Variants in RABGAP1 observed in about 807,000 individuals in gnomAD.
The protein encoded by RABGAP1 is RAB GTPase activating protein 1.
RABGAP1 carries 23 observed loss-of-function variants against 137.6 expected under a neutral mutation model. The ratio of observed to expected loss-of-function variants is 0.17; its 90% CI spans 0.12 to 0.24. RABGAP1 has a LOEUF of 0.24. Ranked by LOEUF, RABGAP1 falls within the 10% of genes least tolerant of loss-of-function variation. The pLI, the probability that RABGAP1 is intolerant of heterozygous loss-of-function variation, is 1.00. For missense variants in RABGAP1, 906 were observed against 1,275.8 expected, an observed-to-expected ratio of 0.71 and a Z score of 4.42; for synonymous variants, 451 against 450.7, an observed-to-expected ratio of 1.00 and a Z score of -0.01.
At chr9:123,064,180 A>C (rs2034090470) in intron 13 of RABGAP1, among the ~76,000 whole-genome samples, 1 of 152,142 alleles carries the variant, frequency 6.6e-6, no homozygotes, top group Admixed American at 6.6e-5. Context: ...GCCACCATGT[A>C]ATTAGCTGCT....
chr9:123,095,066 A>G (rs942361528), intron 21 of RABGAP1, among the ~76,000 whole-genome samples: 2 of 152,036 alleles, frequency 1.3e-5, no homozygotes, highest in Admixed American at 6.6e-5. Context: ...AGCCTGGGCA[A>G]CATGGCAAAA....
rs1266458632 is a variant in RABGAP1 at position 123,073,687 on chromosome 9, G to A, written c.2109+10G>A. On this transcript the variant is annotated intron_variant, in intron 16 of 25. Coordinates refer to ENST00000373647, the MANE Select transcript of RABGAP1 (RefSeq NM_012197.4). ...GGAGCGCCTCATGCAGGTAAAAAGA[G>A]AAACCAGCTTGTGTTTGACAAAAAG... is the stretch of plus-strand genomic sequence containing the variant. 6.2e-7 allele frequency: 1 copy of A among 1,613,418 alleles called. No individual in the cohort carries two copies.
intron 2 of RABGAP1, among the ~76,000 whole-genome samples, chr9:122,962,187 T>G (rs917874484): frequency 1.3e-5 from 2 of 151,980 alleles, no homozygotes; most frequent in Admixed American, 1.3e-4. Flanking sequence ...AATCAGATGC[T>G]CATTCTGATA....
chr9:123,029,625 C>A, intron 13 of RABGAP1: 1 of 731,216 alleles, frequency 1.4e-6, no homozygotes, highest in Non-Finnish European at 2.6e-6. Context: ...AGGTATTGAG[C>A]TTGTCCCTAA....
chr9:122,977,430 G>C (rs572454357), intron 2 of RABGAP1, among the ~76,000 whole-genome samples: 1 of 152,334 alleles, frequency 6.6e-6, no homozygotes, highest in South Asian at 2.1e-4. Flanking sequence ...GGAGGGCTGG[G>C]TTCGGTGGCT....
chr9:123,006,221 T>C (rs1564126795), intron 10 of RABGAP1, among the ~76,000 whole-genome samples: 3 of 152,190 alleles, frequency 2.0e-5, no homozygotes, highest in Non-Finnish European at 4.4e-5. Context: ...GTATTTTCTT[T>C]TAAACCTCTC....
At position 123,098,634 on chromosome 9, in the gene RABGAP1, A is replaced by G. The variant is rs1050596639; in HGVS notation, c.2734-81A>G. On this transcript the variant is annotated intron_variant, in intron 22 of 25. Transcript: ENST00000373647. ...GGGTTTGGTTCAGCAGTTTTTGGGA[A>G]GCCTAGCACTAAGCGGTTGGTGGCA... 54 of 1,203,556 alleles carry G rather than the reference A, an allele frequency of 4.5e-5. No individual in the cohort carries two copies. The Middle Eastern group carries it at 7.8e-4, about 17-fold the overall frequency. 74.6% of individuals were successfully genotyped at this position (1,203,556 alleles called of 1,614,324 possible). A position where few individuals can be genotyped will look rare whatever the true frequency, so the allele number is the denominator to read the frequency against.
intron 19 of RABGAP1, among the ~76,000 whole-genome samples, chr9:123,080,124 A>G (rs772178254): frequency 6.6e-6 from 1 of 152,182 alleles, no homozygotes; most frequent in Non-Finnish European, 1.5e-5. Context: ...TAATATATGG[A>G]TCCTTTATTT....
intron 2 of RABGAP1, among the ~76,000 whole-genome samples, chr9:122,967,064 C>T (rs1051322304): frequency 6.6e-6 from 1 of 152,094 alleles, no homozygotes; most frequent in Non-Finnish European, 1.5e-5. Flanking sequence ...ACAGCCAAAC[C>T]GTATCACTAG....
intron 19 of RABGAP1, among the ~76,000 whole-genome samples, chr9:123,084,414 A>T (rs1372364571): frequency 6.6e-6 from 1 of 152,060 alleles, no homozygotes; most frequent in Non-Finnish European, 1.5e-5. Context: ...CTTACCCCCC[A>T]CTGTCTACCC....
At chr9:122,950,463 C>T (rs1421331293) in intron 1 of RABGAP1, among the ~76,000 whole-genome samples, 9 of 135,434 alleles carry the variant, frequency 6.6e-5, no homozygotes, top group South Asian at 4.6e-4. Flanking sequence ...AATCTGCTGA[C>T]GCGTGGGGAT....
chr9:122,970,244 C>T (rs1334562616), intron 2 of RABGAP1, among the ~76,000 whole-genome samples: 1 of 151,930 alleles, frequency 6.6e-6, no homozygotes, highest in Non-Finnish European at 1.5e-5. Context: ...TGTTTTAATG[C>T]TAACATTTAT....
chr9:123,015,289 C>CT (rs34492374), intron 11 of RABGAP1, among the ~76,000 whole-genome samples: 43,397 of 121,612 alleles, frequency 0.36, 8,913 homozygotes, highest in Non-Finnish European at 0.45. Flanking sequence ...TAAATAGCTC[C>CT]TTTTTTTTTT....
intron 25 of RABGAP1, among the ~76,000 whole-genome samples, chr9:123,102,016 A>G (rs556615106): frequency 6.6e-6 from 1 of 152,304 alleles, no homozygotes; most frequent in African/African-American, 2.4e-5. Flanking sequence ...TGGGATGAGA[A>G]GACAGTGCTT....
intron 10 of RABGAP1, 148 bp from the exon 11 acceptor site, chr9:123,010,206 A>G: frequency 1.5e-6 from 1 of 680,958 alleles, no homozygotes; most frequent in Non-Finnish European, 2.3e-6. Flanking sequence ...TACTCAAAAA[A>G]ACATCATTTA....
At chr9:122,992,816 T>C (rs1159583928) in intron 6 of RABGAP1, among the ~76,000 whole-genome samples, 1 of 149,644 alleles carries the variant, frequency 6.7e-6, no homozygotes, top group Non-Finnish European at 1.5e-5. Flanking sequence ...TTTATCTAAA[T>C]ATTATACCTA....
At chr9:122,997,396 T>G in intron 9 of RABGAP1, 35 bp downstream of exon 9, 2 of 1,495,858 alleles carry the variant, frequency 1.3e-6, no homozygotes, top group Non-Finnish European at 9.1e-7. Context: ...AACAGAAATT[T>G]TAGTCTCAAG....
chr9:122,992,187 C>A (rs1836760672), intron 6 of RABGAP1, among the ~76,000 whole-genome samples: 1 of 152,004 alleles, frequency 6.6e-6, no homozygotes, highest in Non-Finnish European at 1.5e-5. Flanking sequence ...CAAGCATCTG[C>A]CACCATACCG....
chr9:123,009,965 A>G (rs950783922), intron 10 of RABGAP1, among the ~76,000 whole-genome samples: 3 of 152,240 alleles, frequency 2.0e-5, no homozygotes, highest in African/African-American at 4.8e-5. Context: ...GTAGTTTTAT[A>G]TAGGAAACCT....
Sources: allele counts gnomAD v4.1 joint callset (sites outside exome capture counted in the v4.1 genomes callset), GRCh38; gene constraint gnomAD v4.1.1; transcripts MANE v1.5; gene names NCBI Gene and HGNC (gene_info 2026-07-23, HGNC 2026-07-21).